SYT17: variants seen among roughly 807,000 people sequenced by gnomAD.
SYT17 encodes the protein synaptotagmin-17.
SYT17 carries 22 observed loss-of-function variants against 46.7 expected under a neutral mutation model. The observed-to-expected ratio is 0.47, with a 90% CI of 0.34 to 0.67. The LOEUF is 0.67. Among genes scored for constraint, SYT17 ranks in the 30% least tolerant of loss-of-function variants. SYT17 has a pLI of 0.01. For missense variants in SYT17, 519 were observed against 612.8 expected (o/e 0.85, Z 1.62); for synonymous variants, 251 against 248.4 (o/e 1.01, Z -0.10).
chr16:19,192,792 G>A (rs1020181611), intron 5 of SYT17, among the ~76,000 whole-genome samples: 5 of 152,226 alleles, frequency 3.3e-5, no homozygotes, highest in Middle Eastern at 3.4e-3. Context: ...GTGCGGGGTC[G>A]GTTGGGGGTG....
chr16:19,173,424 C>G lies in SYT17; in HGVS notation c.34-6C>G. The G allele has an allele frequency of 1.7e-6, 2 of 1,181,346 alleles. No individual in the cohort carries two copies. Among genetic ancestry groups the G allele is most frequent in the East Asian group, 9.7e-5 (2 of 20,590 alleles). The allele number at this position is 1,181,346 out of a possible 1,614,324, so 73.2% of individuals were successfully genotyped here. On this transcript the variant is annotated splice_region_variant and splice_polypyrimidine_tract_variant and intron_variant, in intron 2 of 7. Coordinates refer to ENST00000355377, the MANE Select transcript of SYT17 (RefSeq NM_016524.4). ...TCCCCCCGCCCACCTCCCCCAATGG[C>G]CTCAGGGTTTTCTTTCTAGAATCTC...
intron 3 of SYT17, among the ~76,000 whole-genome samples, chr16:19,173,812 G>A (rs1203595707): frequency 6.6e-6 from 1 of 152,110 alleles, no homozygotes; most frequent in Non-Finnish European, 1.5e-5. Context: ...TCACCTAGTG[G>A]CACATCGGGC....
intron 3 of SYT17, among the ~76,000 whole-genome samples, chr16:19,178,233 C>A (rs1010847253): frequency 6.8e-6 from 1 of 147,870 alleles, no homozygotes; most frequent in East Asian, 1.9e-4. Context: ...CAGGCGTCCG[C>A]CACCACGCCC....
At chr16:19,242,717 TG>T (rs557378258) in intron 7 of SYT17, among the ~76,000 whole-genome samples, 104 of 152,038 alleles carry the variant, frequency 6.8e-4, no homozygotes, top group African/African-American at 2.5e-3. Context: ...TTTGTAGAGA[TG>T]GGGTTTCGCC....
intron 5 of SYT17, among the ~76,000 whole-genome samples, chr16:19,186,830 C>T (rs1441284424): frequency 6.6e-6 from 1 of 152,086 alleles, no homozygotes; most frequent in Non-Finnish European, 1.5e-5. Context: ...CTGCTCATTT[C>T]TTCATTCTGT....
At chr16:19,251,383 C>T (rs1398080076) in intron 7 of SYT17, among the ~76,000 whole-genome samples, 1 of 152,182 alleles carries the variant, frequency 6.6e-6, no homozygotes, top group African/African-American at 2.4e-5. Context: ...AAGGAATAGA[C>T]TCTGTTGGGG....
Position 19,186,464 on chromosome 16 carries a change from A to G in SYT17, c.951+2317A>G, listed in dbSNP as rs533357448. 2.6e-5 allele frequency among the ~76,000 whole-genome samples: 4 copies of G among 152,346 alleles called. No homozygotes were observed. The South Asian group carries it at 8.3e-4, about 32-fold the overall frequency. On this transcript the variant is annotated intron_variant, in intron 5 of 7. Transcript: ENST00000355377. Reference sequence around the variant, plus strand: ...GCGCCGATGCACTCCAGCCTGGTCAATAGAGTGAGGCCTTGTCTCTAAAAA... The same window carrying G: ...GCGCCGATGCACTCCAGCCTGGTCAGTAGAGTGAGGCCTTGTCTCTAAAAA...
At position 19,183,893 on chromosome 16, in the gene SYT17, A is replaced by G; in HGVS notation, c.697A>G (p.Ile233Val). 3 of 1,614,152 alleles carry G rather than the reference A, an allele frequency of 1.9e-6. No individual in the cohort carries two copies. The highest frequency in any genetic ancestry group is 2.5e-6 in the Non-Finnish European group (3 of 1,180,028). ...DMAHSNPYVK[I>V]CLLPDQKNSK... ...GGCGCACTCCAACCCCTACGTCAAG[A>G]TCTGTCTCCTGCCAGACCAGAAGAA... The change falls in exon 5 of 8, where the codon ATC becomes GTC. Residue 233 changes from isoleucine to valine, a missense_variant. Ile to Val is a conservative substitution (Grantham distance 29). Coordinates refer to ENST00000355377, the MANE Select transcript of SYT17 (RefSeq NM_016524.4). The surrounding 1 kb of genome is among the most constrained non-coding windows in gnomAD (Gnocchi z 5.6).
chr16:19,192,882 C>A lies in SYT17; in HGVS notation c.951+8735C>A, dbSNP rs140491141. Among the ~76,000 whole-genome samples the A allele has an allele frequency of 2.0e-4, 30 of 152,238 alleles. No homozygotes were observed. The East Asian group carries it at 5.8e-3, about 29-fold the overall frequency. Reference sequence around the variant, plus strand: ...TCAGGTGGGAGCTGTGACTGTGGAGCCTCCAGACCTCAGCCTCCCTAATTC... The same window carrying A: ...TCAGGTGGGAGCTGTGACTGTGGAGACTCCAGACCTCAGCCTCCCTAATTC... On this transcript the variant is annotated intron_variant, in intron 5 of 7. Coordinates refer to ENST00000355377, the MANE Select transcript of SYT17 (RefSeq NM_016524.4).
At chr16:19,262,686 TTAG>T (rs1969068217) in intron 7 of SYT17, among the ~76,000 whole-genome samples, 1 of 152,178 alleles carries the variant, frequency 6.6e-6, no homozygotes, top group Non-Finnish European at 1.5e-5. Flanking sequence ...TCCAGCATAG[TTAG>T]AGGACGTTGG....
chr16:19,234,636 C>A (rs917320955), intron 7 of SYT17, among the ~76,000 whole-genome samples: 19 of 152,180 alleles, frequency 1.2e-4, no homozygotes, highest in African/African-American at 4.6e-4. Context: ...GAGTTTGAAT[C>A]TTGGCCCCAT....
chr16:19,181,359 G>A (rs1479458920), intron 4 of SYT17, among the ~76,000 whole-genome samples: 2 of 151,662 alleles, frequency 1.3e-5, no homozygotes, highest in African/African-American at 2.4e-5. Flanking sequence ...TGTGTGAACC[G>A]ATGTCTGAAA....
At chr16:19,266,059 C>T (rs1366294285) in intron 7 of SYT17, among the ~76,000 whole-genome samples, 1 of 152,206 alleles carries the variant, frequency 6.6e-6, no homozygotes, top group Non-Finnish European at 1.5e-5. Flanking sequence ...GAGCTTTACA[C>T]ACATTATTTC....
intron 5 of SYT17, among the ~76,000 whole-genome samples, chr16:19,194,892 C>T (rs996841246): frequency 6.6e-6 from 1 of 152,174 alleles, no homozygotes; most frequent in Middle Eastern, 3.2e-3. Context: ...GCCATCACGC[C>T]CAGCCAAATA....
In SYT17 at chr16:19,168,576, C is replaced by G; in HGVS notation, c.-71C>G. The G allele has an allele frequency of 6.5e-7, 1 of 1,541,364 alleles. No individual in the cohort carries two copies. Among genetic ancestry groups the G allele is most frequent in the Non-Finnish European group, 8.8e-7 (1 of 1,141,650 alleles). On this transcript the variant is annotated 5_prime_UTR_variant, in exon 1 of 8. Transcript: ENST00000355377. This position sits in a 1 kb window ranked among gnomAD's most constrained non-coding sequence, Gnocchi z 6.9. Reference sequence around the variant, plus strand: ...TTTCCCCCTTTGCTTTCTTCCCCCTCCGCTGTTGGCGAGGGCAAAGTGGCC... The same window carrying G: ...TTTCCCCCTTTGCTTTCTTCCCCCTGCGCTGTTGGCGAGGGCAAAGTGGCC...
At position 19,254,059 on chromosome 16, in the gene SYT17, G is replaced by A. The variant is rs141569271; in HGVS notation, c.1229-12821G>A. ...TCAATTCTTTATTTGTTCTTTTCAG[G>A]GAAGAGGTGACTTACGTAATGGAGA... On this transcript the variant is annotated intron_variant, in intron 7 of 7. Coordinates refer to ENST00000355377, the MANE Select transcript of SYT17 (RefSeq NM_016524.4). 3.3e-5 allele frequency among the ~76,000 whole-genome samples: 5 copies of A among 152,200 alleles called. No individual in the cohort carries two copies. The East Asian group carries it at 7.7e-4, about 24-fold the overall frequency.
At chr16:19,265,401 A>G (rs1969291111) in intron 7 of SYT17, among the ~76,000 whole-genome samples, 1 of 152,190 alleles carries the variant, frequency 6.6e-6, no homozygotes, top group Admixed American at 6.5e-5. Flanking sequence ...ATAGTATTTC[A>G]CGTAGCCTAG....
intron 5 of SYT17, chr16:19,211,101 A>T (rs1446000554): frequency 4.0e-6 from 1 of 251,866 alleles, no homozygotes; most frequent in African/African-American, 2.2e-5. Flanking sequence ...TAATTTACAG[A>T]TTGTCTATTT....
chr16:19,266,778 C>A, intron 7 of SYT17, 102 bp from the exon 8 acceptor site: 1 of 1,066,336 alleles, frequency 9.4e-7, no homozygotes, highest in Non-Finnish European at 1.3e-6. Context: ...TTGCAGTTGA[C>A]AAATGTGTAG....
Sources: gnomAD v4.1 joint callset for allele counts (sites outside exome capture counted in the v4.1 genomes callset) on GRCh38, gnomAD v4.1.1 for gene constraint, Gnocchi (gnomAD v3.1) non-coding constraint, MANE v1.5 for transcripts, NCBI Gene and HGNC (gene_info 2026-07-23, HGNC 2026-07-21) for gene names.